DLG5: variants seen among roughly 807,000 people sequenced by gnomAD.
DLG5 encodes discs large MAGUK scaffold protein 5.
A neutral mutation model predicts 189.8 loss-of-function variants in DLG5; 48 were observed. That is an observed-to-expected ratio of 0.25 (90% CI 0.20 to 0.32). The LOEUF is 0.32. DLG5 is among the 10% of genes least tolerant of loss of function. DLG5 has a pLI of 1.00. For synonymous variants in DLG5, 1,016 were observed against 1,054.1 expected, an observed-to-expected ratio of 0.96 and a Z score of 0.70; for missense variants, 2,160 against 2,544.7, an observed-to-expected ratio of 0.85 and a Z score of 3.25.
chr10:77,931,179 A>G (rs1203091802), upstream of DLG5, among the ~76,000 whole-genome samples: 1 of 151,974 alleles, frequency 6.6e-6, no homozygotes, highest in African/African-American at 2.4e-5. Context: ...CTGGTCTTGA[A>G]CACCTAGCCT....
chr10:77,858,938 T>C (rs1844363552), intron 2 of DLG5, among the ~76,000 whole-genome samples: 3 of 152,182 alleles, frequency 2.0e-5, no homozygotes, highest in Admixed American at 1.3e-4. Context: ...AGTGGCGCAG[T>C]CTCAGCTCAC....
rs369320191 is a variant in DLG5 at position 77,796,508 on chromosome 10, C to T, written c.5251G>A (p.Val1751Met). The change falls in exon 28 of 32, where the codon GTG becomes ATG. Residue 1751 changes from valine (V) to methionine (M), a missense_variant. By Grantham distance (21) the Val-to-Met change is conservative. Transcript: ENST00000372391. This position sits in a 1 kb window ranked among gnomAD's most constrained non-coding sequence, Gnocchi z 5.2. The stretch of plus-strand genomic sequence containing the variant: ...TCATTCACCAGCATCTCCTTCACCA[C>T]GTCCAGCAAAGGCCCCAGAATCAGG... ...PVLILGPLLD[V>M]VKEMLVNEAP... The T allele has an allele frequency of 2.7e-5, 43 of 1,614,100 alleles. No homozygotes were observed. The highest frequency in any genetic ancestry group is 2.0e-4 in the South Asian group (18 of 91,090).
chr10:77,902,874 A>AAAT (rs1564587005), intron 1 of DLG5, among the ~76,000 whole-genome samples: 1,738 of 104,622 alleles, frequency 0.017, 29 homozygotes, highest in African/African-American at 0.038. Flanking sequence ...AATAAATAAA[A>AAAT]AAATAAATAA....
chr10:77,821,626 C>T lies in DLG5; in HGVS notation c.2858G>A (p.Ser953Asn). The change falls in exon 15 of 32, where the codon AGC becomes AAC. Residue 953 changes from serine (S) to asparagine (N), a missense_variant. Physicochemically the swap from Ser to Asn is conservative, Grantham distance 46. Around this residue, in one of 5 missense-constraint regions of DLG5, gnomAD observed 754 missense variants for 746.5 expected, o/e 1.01. Coordinates refer to ENST00000372391, the MANE Select transcript of DLG5 (RefSeq NM_004747.4). ...SGGTWPKAML[S>N]STAVPEKLSV... ...GAGCTTCTCAGGCACTGCCGTGGAG[C>T]TGAGCATGGCCTTGGGCCAGGTCCC... 6.2e-7 allele frequency: 1 copy of T among 1,613,088 alleles called. No homozygotes were observed. The highest frequency in any genetic ancestry group is 8.5e-7 in the Non-Finnish European group (1 of 1,179,998).
At chr10:77,815,306 C>T (rs1248032916) in intron 20 of DLG5, among the ~76,000 whole-genome samples, 1 of 152,202 alleles carries the variant, frequency 6.6e-6, no homozygotes, top group Non-Finnish European at 1.5e-5. Context: ...GCTGTCCTTC[C>T]GTTACCCCTC....
chr10:77,930,185 C>A (rs1346302190), upstream of DLG5, among the ~76,000 whole-genome samples: 1 of 152,126 alleles, frequency 6.6e-6, no homozygotes, highest in South Asian at 2.1e-4. Flanking sequence ...AGGCTTGAGT[C>A]TCCCCATTCT....
At chr10:77,864,567 T>A (rs892040789) in intron 2 of DLG5, among the ~76,000 whole-genome samples, 5 of 152,190 alleles carry the variant, frequency 3.3e-5, no homozygotes, top group Non-Finnish European at 7.4e-5. Context: ...TAGGCAAAAT[T>A]TCAGGTCCCA....
At position 77,926,696 on chromosome 10, in the gene DLG5, C is replaced by T. The variant is rs1305236883; in HGVS notation, c.-176G>A. On this transcript the variant is annotated 5_prime_UTR_variant, in exon 1 of 32. Transcript: ENST00000372391. This position sits in a 1 kb window ranked among gnomAD's most constrained non-coding sequence, Gnocchi z 5.2. ...GCCCGGGGCGGCGGGCGGCGCTCAG[C>T]AGCGGCCGCCTCCCGGGCTCCGGAG... 6.7e-6 allele frequency among the ~76,000 whole-genome samples: 1 copy of T among 149,944 alleles called. No homozygotes were observed. The highest frequency in any genetic ancestry group is 1.5e-5 in the Non-Finnish European group (1 of 67,218).
chr10:77,842,330 C>A, intron 6 of DLG5, 137 bp from the exon 7 acceptor site: 1 of 1,078,310 alleles, frequency 9.3e-7, no homozygotes, highest in East Asian at 2.5e-5. Flanking sequence ...CTCTCTCCAC[C>A]CCCAGGAGAG....
Position 77,854,822 on chromosome 10 carries a change from C to CA in DLG5, c.537-453dup, listed in dbSNP as rs200667177. On this transcript the variant is annotated intron_variant, in intron 3 of 31. Coordinates refer to ENST00000372391, the MANE Select transcript of DLG5 (RefSeq NM_004747.4). ...GCAACATGGTGAAACCCCGCCTCCACAAAAAAAAATACAAAAATTAGCCTG... is the reference window on the plus strand; with the variant it reads ...GCAACATGGTGAAACCCCGCCTCCACAAAAAAAAAATACAAAAATTAGCCTG... 4.0e-3 allele frequency among the ~76,000 whole-genome samples: 595 copies of CA among 149,720 alleles called. 3 individuals carry two copies. The highest frequency in any genetic ancestry group is 0.011 in the African/African-American group (466 of 40,876).
chr10:77,887,462 T>G (rs1845472869), intron 1 of DLG5, among the ~76,000 whole-genome samples: 1 of 152,220 alleles, frequency 6.6e-6, no homozygotes, highest in East Asian at 1.9e-4. Flanking sequence ...CTGTAGTTTT[T>G]GAAACTTTTT....
At chr10:77,867,410 A>G (rs1844726848) in intron 2 of DLG5, among the ~76,000 whole-genome samples, 1 of 152,190 alleles carries the variant, frequency 6.6e-6, no homozygotes, top group Non-Finnish European at 1.5e-5. Context: ...CTCAGGGCTT[A>G]CCCAGTCCAC....
rs1186702402 is a variant in DLG5 at position 77,791,101 on chromosome 10, T to C, written c.*1339A>G. 1 of 152,548 alleles carries C rather than the reference T, an allele frequency of 6.6e-6. No homozygotes were observed. The highest frequency in any genetic ancestry group is 1.5e-5 in the Non-Finnish European group (1 of 68,012). The allele number at this position is 152,548 out of a possible 1,614,324, so 9.4% of individuals were successfully genotyped here. A position where few individuals can be genotyped will look rare whatever the true frequency, so the allele number is the denominator to read the frequency against. The stretch of plus-strand genomic sequence containing the variant: ...TTGAACAACTGTGCAAGAAAATATA[T>C]CCCTTTTTAAAAAACATCAGTTATG... On this transcript the variant is annotated 3_prime_UTR_variant, in exon 32 of 32. Coordinates refer to ENST00000372391, the MANE Select transcript of DLG5 (RefSeq NM_004747.4).
At chr10:77,896,780 T>C (rs1427678930) in intron 1 of DLG5, among the ~76,000 whole-genome samples, 3 of 150,888 alleles carry the variant, frequency 2.0e-5, no homozygotes, top group South Asian at 4.2e-4. Flanking sequence ...GATCACACCA[T>C]TGCACTCCAG....
At chr10:77,911,063 A>T (rs1281675289) in intron 1 of DLG5, among the ~76,000 whole-genome samples, 1 of 151,970 alleles carries the variant, frequency 6.6e-6, no homozygotes, top group Admixed American at 6.6e-5. Flanking sequence ...ACTTGGAATG[A>T]GAATAGAGGT....
chr10:77,935,752 G>A, the DLG5 span, among the ~76,000 whole-genome samples: 2 of 152,226 alleles, frequency 1.3e-5, no homozygotes, highest in African/African-American at 4.8e-5. Flanking sequence ...GCCTGTGGGT[G>A]TCTGTGAGTG....
At chr10:77,919,885 G>A (rs1846484203) in intron 1 of DLG5, among the ~76,000 whole-genome samples, 1 of 152,088 alleles carries the variant, frequency 6.6e-6, no homozygotes, top group Non-Finnish European at 1.5e-5. Context: ...CACAGCCTCT[G>A]CCACCATGAG....
At chr10:77,825,856 C>T (rs2154575781) in intron 13 of DLG5, among the ~76,000 whole-genome samples, 2 of 152,210 alleles carry the variant, frequency 1.3e-5, no homozygotes, top group Middle Eastern at 3.4e-3. Context: ...CATGCCCGGC[C>T]AGTCAAGTTT....
intron 16 of DLG5, chr10:77,819,683 G>T: frequency 9.6e-7 from 1 of 1,041,644 alleles, no homozygotes; most frequent in Non-Finnish European, 1.4e-6. Context: ...CTATTTCCCA[G>T]GTTGCTATGG....
Sources: gnomAD v4.1 joint callset for allele counts (sites outside exome capture counted in the v4.1 genomes callset) on GRCh38, gnomAD v4.1.1 for gene constraint, gnomAD v4.1.1 regional missense constraint, Gnocchi (gnomAD v3.1) non-coding constraint, MANE v1.5 for transcripts, NCBI Gene and HGNC (gene_info 2026-07-23, HGNC 2026-07-21) for gene names.